Variants in BMPER observed in about 807,000 individuals in gnomAD.
The protein encoded by BMPER is BMP-binding endothelial regulator protein.
A neutral mutation model predicts 87.3 loss-of-function variants in BMPER; 45 were observed. The ratio of observed to expected loss-of-function variants is 0.52; its 90% confidence interval spans 0.41 to 0.66. The LOEUF (loss-of-function observed/expected upper bound fraction) is 0.66. BMPER is among the 30% of genes least tolerant of loss of function. The pLI, the probability that BMPER is intolerant of heterozygous loss-of-function variation, is 0.00. For missense variants in BMPER, 784 were observed against 867.5 expected (o/e 0.90, Z 1.21); for synonymous variants, 326 against 316.2 (o/e 1.03, Z -0.33).
At chr7:34,034,959 C>T (rs1271894018) in intron 6 of BMPER, among the ~76,000 whole-genome samples, 1 of 152,122 alleles carries the variant, frequency 6.6e-6, no homozygotes, top group Non-Finnish European at 1.5e-5. Flanking sequence ...AGAACACTAG[C>T]TTTGGCTCAT....
intron 6 of BMPER, among the ~76,000 whole-genome samples, chr7:34,031,480 G>T (rs1787514884): frequency 6.6e-6 from 1 of 151,930 alleles, no homozygotes; most frequent in Non-Finnish European, 1.5e-5. Flanking sequence ...CAAATACATG[G>T]GTGATGTATA....
At chr7:34,015,456 A>G (rs1786995667) in intron 6 of BMPER, among the ~76,000 whole-genome samples, 1 of 151,880 alleles carries the variant, frequency 6.6e-6, no homozygotes, top group African/African-American at 2.4e-5. Context: ...AATTCCACCT[A>G]TTGGAATTTG....
At chr7:34,130,200 C>G (rs867251816) in intron 13 of BMPER, among the ~76,000 whole-genome samples, 3 of 152,190 alleles carry the variant, frequency 2.0e-5, no homozygotes, top group Middle Eastern at 6.8e-3. Flanking sequence ...CTCTCTCTCT[C>G]TCTCTCTCTC....
intron 11 of BMPER, among the ~76,000 whole-genome samples, chr7:34,074,947 CT>C (rs1788825585): frequency 1.3e-5 from 2 of 151,772 alleles, no homozygotes; most frequent in Non-Finnish European, 2.9e-5. Context: ...CTTCCTTATG[CT>C]TTTATGTTTT....
In BMPER at chr7:33,906,832, T is replaced by C. The variant is rs1237549246; in HGVS notation, c.148T>C (p.Cys50Arg). The C allele has an allele frequency of 6.2e-7, 1 of 1,613,760 alleles. No homozygotes were observed. The highest frequency in any genetic ancestry group is 8.5e-7 in the Non-Finnish European group (1 of 1,179,750). Residue 50 changes from cysteine (C) to arginine (R), a missense_variant, in exon 2 of 15, where the codon TGT becomes CGT. Transcript: ENST00000649409. ...CTGAATTTCAGGTTCTGTTGCAAAA[T>C]GTGAAAATGAAGGTGAAGTCCTCCA... ...SSFLTGSVAK[C>R]ENEGEVLQIP...
intron 13 of BMPER, among the ~76,000 whole-genome samples, chr7:34,109,955 G>C (rs1789917693): frequency 6.6e-6 from 1 of 152,128 alleles, no homozygotes; most frequent in Admixed American, 6.5e-5. Flanking sequence ...GGTTTTTAAT[G>C]TTATAGAGAA....
chr7:33,977,957 G>A lies in BMPER; in HGVS notation c.576+3173G>A, dbSNP rs182166219. On this transcript the variant is annotated intron_variant, in intron 6 of 14. Transcript: ENST00000649409. ...ACAGAAGGCTCTGGCAGAAGAGTGC[G>A]GAGGGGAGACAAGGATGAAGAAGCA... Among the ~76,000 whole-genome samples the A allele has an allele frequency of 2.6e-4, 39 of 152,250 alleles. No individual in the cohort carries two copies. In the East Asian group the frequency reaches 3.1e-3, roughly 12 times the overall value.
intron 2 of BMPER, among the ~76,000 whole-genome samples, chr7:33,933,574 TCTGGCTTTCA>T (rs1784530662): frequency 6.6e-6 from 1 of 152,052 alleles, no homozygotes; most frequent in South Asian, 2.1e-4. Flanking sequence ...AGGATGCCAG[TCTGGCTTTCA>T]GAGGCATGAT....
At chr7:34,134,091 C>T (rs1029703964) in intron 13 of BMPER, among the ~76,000 whole-genome samples, 1 of 152,134 alleles carries the variant, frequency 6.6e-6, no homozygotes, top group African/African-American at 2.4e-5. Context: ...TCGCCCTGCC[C>T]TTTCCAGAAG....
chr7:33,946,442 G>T (rs1235040302), intron 3 of BMPER, among the ~76,000 whole-genome samples: 1 of 152,204 alleles, frequency 6.6e-6, no homozygotes, highest in African/African-American at 2.4e-5. Flanking sequence ...CAAGTAAAAG[G>T]TAATCACATT....
At chr7:34,084,598 G>C (rs60293111) in intron 12 of BMPER, among the ~76,000 whole-genome samples, 40,914 of 152,174 alleles carry the variant, frequency 0.27, 5,736 homozygotes, top group Middle Eastern at 0.35. Flanking sequence ...ACTCTGGCTA[G>C]AAAAGTTTGT....
intron 4 of BMPER, 21 bp from the exon 5 acceptor site, chr7:33,970,308 T>C (rs1015488525): frequency 1.2e-6 from 2 of 1,609,552 alleles, no homozygotes; most frequent in African/African-American, 1.3e-5. Context: ...CTGACTTTGC[T>C]TGTTTTGTTC....
chr7:34,142,028 G>A (rs930412934), intron 13 of BMPER, among the ~76,000 whole-genome samples: 3 of 152,176 alleles, frequency 2.0e-5, no homozygotes, highest in Non-Finnish European at 4.4e-5. Context: ...TTTCAAGATC[G>A]TAAGTGCAGC....
At position 34,155,045 on chromosome 7, in the gene BMPER, A is replaced by G. The variant is rs2127997900; in HGVS notation, c.*1772A>G. 1.3e-5 allele frequency: 2 copies of G among 152,322 alleles called. 1 individual carries two copies. The highest frequency in any genetic ancestry group is 4.1e-4 in the South Asian group (2 of 4,830). 9.4% of individuals were successfully genotyped at this position (152,322 alleles called of 1,614,324 possible). ...CTGTAACACAAAGAGGCCATGTAGTATAGTGAGCAGGGTTGAGAATCGGGA... is the reference window on the plus strand; with the variant it reads ...CTGTAACACAAAGAGGCCATGTAGTGTAGTGAGCAGGGTTGAGAATCGGGA... On this transcript the variant is annotated 3_prime_UTR_variant, in exon 15 of 15. Transcript: ENST00000649409.
In BMPER at chr7:34,027,290, C is replaced by T. The variant is rs150772660; in HGVS notation, c.577-19016C>T. ...TTTTTGACTATGTTCACATTTGCTC[C>T]GATGGTGAGTAAAAGTGCTGGAGTC... On this transcript the variant is annotated intron_variant, in intron 6 of 14. Coordinates refer to ENST00000649409, the MANE Select transcript of BMPER (RefSeq NM_001365308.1). Among the ~76,000 whole-genome samples, 116 of 152,128 alleles carry T rather than the reference C, an allele frequency of 7.6e-4. 1 individual carries two copies. Among genetic ancestry groups the T allele is most frequent in the South Asian group, 6.8e-3 (33 of 4,824 alleles).
At chr7:34,150,961 G>A (rs1337256565) in intron 14 of BMPER, among the ~76,000 whole-genome samples, 1 of 152,156 alleles carries the variant, frequency 6.6e-6, no homozygotes, top group African/African-American at 2.4e-5. Context: ...ATCAATCAAG[G>A]AACATCCATC....
intron 14 of BMPER, among the ~76,000 whole-genome samples, chr7:34,147,725 C>T (rs952491086): frequency 6.6e-6 from 1 of 152,188 alleles, no homozygotes; most frequent in Non-Finnish European, 1.5e-5. Flanking sequence ...CTGCCTCAGC[C>T]TCCTAAAGTG....
At chr7:33,940,803 G>T (rs981959999) in intron 3 of BMPER, among the ~76,000 whole-genome samples, 1 of 146,604 alleles carries the variant, frequency 6.8e-6, no homozygotes, top group Admixed American at 7.0e-5. Context: ...AGGCATGATT[G>T]TCTCAGGGTC....
At chr7:33,928,758 A>G (rs1784418028) in intron 2 of BMPER, among the ~76,000 whole-genome samples, 1 of 152,004 alleles carries the variant, frequency 6.6e-6, no homozygotes, top group Non-Finnish European at 1.5e-5. Flanking sequence ...TAACGTAAAT[A>G]TCAGAAGGGC....
Sources: allele counts gnomAD v4.1 joint callset (sites outside exome capture counted in the v4.1 genomes callset), GRCh38; gene constraint gnomAD v4.1.1; transcripts MANE v1.5; gene names NCBI Gene and HGNC (gene_info 2026-07-23, HGNC 2026-07-21).